The following TCERG1 variants were observed in gnomAD, a reference collection of about 807,000 sequenced individuals.
TCERG1 encodes TATA box binding protein (TBP)-associated factor, RNA polymerase II, S, 150kD.
Under a neutral mutation model 144.7 loss-of-function variants are expected in TCERG1, and 37 were observed. That is an observed-to-expected ratio of 0.26 (90% CI 0.20 to 0.34). TCERG1 has a LOEUF of 0.34. Among genes scored for constraint, TCERG1 ranks in the 10% least tolerant of loss-of-function variants. The pLI is 1.00. For missense variants in TCERG1, 1,027 were observed against 1,380.7 expected (o/e 0.74, Z 4.06); for synonymous variants, 492 against 458.2 (o/e 1.07, Z -0.94).
intron 17 of TCERG1, chr5:146,499,567 T>C (rs1211405946): frequency 6.6e-6 from 1 of 152,242 alleles, no homozygotes; most frequent in Admixed American, 6.5e-5. Context: ...AAAAAATGAT[T>C]ATGCTTCTCA....
At chr5:146,469,465 G>A (rs1474243539) in intron 6 of TCERG1, 79 bp from the exon 7 acceptor site, 13 of 1,193,834 alleles carry the variant, frequency 1.1e-5, no homozygotes, top group Non-Finnish European at 1.0e-5. Flanking sequence ...TTAATAGAAA[G>A]ATTTAGCTCA....
chr5:146,470,322 A>G (rs1304496205), intron 7 of TCERG1, among the ~76,000 whole-genome samples: 1 of 152,112 alleles, frequency 6.6e-6, no homozygotes, highest in African/African-American at 2.4e-5. Context: ...CCCCTTTTCT[A>G]TTCCTAAGTA....
At chr5:146,502,784 C>T (rs1767608083) in intron 17 of TCERG1, among the ~76,000 whole-genome samples, 1 of 152,090 alleles carries the variant, frequency 6.6e-6, no homozygotes, top group Non-Finnish European at 1.5e-5. Context: ...AACTTTCTCA[C>T]ATATCAAGGT....
Position 146,496,226 on chromosome 5 carries a change from G to A in TCERG1, c.2283-2310G>A, listed in dbSNP as rs560559962. Among the ~76,000 whole-genome samples the A allele has an allele frequency of 2.6e-5, 4 of 152,082 alleles. No individual in the cohort carries two copies. The South Asian group carries it at 8.3e-4, about 32-fold the overall frequency. On this transcript the variant is annotated intron_variant, in intron 16 of 22. Transcript: ENST00000679501. ...AACTTAGGCTCATTAGCCCTCATAA[G>A]CCTCATCCTTTTATTTAACCTGTTT...
At chr5:146,488,992 A>G (rs981268550) in intron 15 of TCERG1, among the ~76,000 whole-genome samples, 3 of 152,236 alleles carry the variant, frequency 2.0e-5, no homozygotes, top group African/African-American at 7.2e-5. Context: ...GAAGCAAAAG[A>G]AAGTTGATGT....
intron 19 of TCERG1, among the ~76,000 whole-genome samples, chr5:146,506,192 G>T (rs1326267725): frequency 6.6e-6 from 1 of 152,104 alleles, no homozygotes; most frequent in Non-Finnish European, 1.5e-5. Flanking sequence ...GGTAAGTGTT[G>T]GTTAAATAAA....
At position 146,511,302 on chromosome 5, in the gene TCERG1, A is replaced by T. The variant is rs1201791051; in HGVS notation, c.*660A>T. On this transcript the variant is annotated 3_prime_UTR_variant, in exon 23 of 23. Transcript: ENST00000679501. ...CGGTCATAACTAACATGTTGGCCAG[A>T]ATAGAACCACTGGTTAAACATATTT... The T allele has an allele frequency of 6.5e-6, 1 of 152,672 alleles. No individual in the cohort carries two copies. Among genetic ancestry groups the T allele is most frequent in the African/African-American group, 2.4e-5 (1 of 41,462 alleles). The allele number at this position is 152,672 out of a possible 1,614,324, so 9.5% of individuals were successfully genotyped here. A position where few individuals can be genotyped will look rare whatever the true frequency, so the allele number is the denominator to read the frequency against.
intron 1 of TCERG1, among the ~76,000 whole-genome samples, chr5:146,449,178 C>T (rs1762149173): frequency 6.6e-6 from 1 of 152,144 alleles, no homozygotes; most frequent in Admixed American, 6.5e-5. Flanking sequence ...CCTGAATGTA[C>T]TTCATGGTGT....
chr5:146,454,207 AAAAAG>A (rs58688212), intron 1 of TCERG1, among the ~76,000 whole-genome samples: 7 of 149,652 alleles, frequency 4.7e-5, no homozygotes, highest in Non-Finnish European at 7.4e-5. Context: ...CTCAAAAAAA[AAAAAG>A]AAAAGAAAAG....
chr5:146,481,159 A>T lies in TCERG1; in HGVS notation c.1896A>T (p.Ser632=). 1 of 985,326 alleles carries T rather than the reference A, an allele frequency of 1.0e-6. No homozygotes were observed. The highest frequency in any genetic ancestry group is 1.2e-6 in the Non-Finnish European group (1 of 829,870). 61.0% of individuals were successfully genotyped at this position (985,326 alleles called of 1,614,324 possible). A position where few individuals can be genotyped will look rare whatever the true frequency, so the allele number is the denominator to read the frequency against. The part of the protein sequence containing the change: ...PVKAKKRKRM[S]KKSFMWIARA... ...TAACTGCTTTTATCAGGAGAATGTC[A>T]AAGAAGTCCTTTATGTGGATTGCCC... Residue 632 remains serine, a synonymous_variant, in exon 13 of 23, where the codon TCA becomes TCT. Coordinates refer to ENST00000679501, the MANE Select transcript of TCERG1 (RefSeq NM_001382548.1).
At chr5:146,463,512 T>C in intron 4 of TCERG1, 39 bp from the exon 5 acceptor site, 1 of 1,611,756 alleles carries the variant, frequency 6.2e-7, no homozygotes, top group Non-Finnish European at 8.5e-7. Context: ...AAATGATTTA[T>C]GAAGGAGTGA....
chr5:146,467,429 A>G (rs951723494), intron 5 of TCERG1, among the ~76,000 whole-genome samples: 2 of 152,110 alleles, frequency 1.3e-5, no homozygotes, highest in Non-Finnish European at 1.5e-5. Flanking sequence ...TTCCTCTAAA[A>G]GTTTTTAATT....
chr5:146,509,037 A>T, intron 21 of TCERG1, 108 bp from the exon 22 acceptor site: 2 of 515,886 alleles, frequency 3.9e-6, no homozygotes, highest in South Asian at 1.1e-4. Flanking sequence ...TTGAATTTTA[A>T]ATTTTATTAT....
At chr5:146,447,523 G>C in intron 1 of TCERG1, 115 bp downstream of exon 1, 2 of 1,356,604 alleles carry the variant, frequency 1.5e-6, no homozygotes, top group African/African-American at 3.0e-5. Flanking sequence ...CGGGCGGCCC[G>C]GGCCGGGACC....
chr5:146,447,985 G>A (rs1190453209), intron 1 of TCERG1, among the ~76,000 whole-genome samples: 2 of 151,842 alleles, frequency 1.3e-5, no homozygotes, highest in Non-Finnish European at 2.9e-5. Flanking sequence ...TCCTGTAGTT[G>A]TGAGTAACAA....
chr5:146,479,739 A>T, intron 10 of TCERG1, 116 bp from the exon 11 acceptor site: 1 of 948,646 alleles, frequency 1.1e-6, no homozygotes, highest in Non-Finnish European at 1.6e-6. Context: ...TTAATGTTTT[A>T]TAAAGGGATG....
chr5:146,507,292 T>G lies in TCERG1; in HGVS notation c.2961+85T>G. On this transcript the variant is annotated intron_variant, in intron 20 of 22. Coordinates refer to ENST00000679501, the MANE Select transcript of TCERG1 (RefSeq NM_001382548.1). The surrounding 1 kb of genome is among the most constrained non-coding windows in gnomAD (Gnocchi z 4.6). ...AGCAAAGCATTGATATGATTTTTAG[T>G]GTCATGGTCTTTAGATTCATTACTG... The G allele has an allele frequency of 7.7e-7, 1 of 1,301,660 alleles. No individual in the cohort carries two copies. The highest frequency in any genetic ancestry group is 1.7e-5 in the South Asian group (1 of 60,078). The allele number at this position is 1,301,660 out of a possible 1,614,324, so 80.6% of individuals were successfully genotyped here.
At chr5:146,465,947 G>A (rs1376713542) in intron 5 of TCERG1, among the ~76,000 whole-genome samples, 1 of 151,494 alleles carries the variant, frequency 6.6e-6, no homozygotes, top group African/African-American at 2.4e-5. Context: ...TTGAACCTGG[G>A]AGGTGGAGGT....
chr5:146,504,428 C>G (rs1363995267), intron 19 of TCERG1: 1 of 153,208 alleles, frequency 6.5e-6, no homozygotes, highest in African/African-American at 2.4e-5. Context: ...GGAGGTGTAA[C>G]TGACTGCAGG....
Sources: allele counts gnomAD v4.1 joint callset (sites outside exome capture counted in the v4.1 genomes callset), GRCh38; gene constraint gnomAD v4.1.1; non-coding constraint Gnocchi (gnomAD v3.1); transcripts MANE v1.5; gene names NCBI Gene and HGNC (gene_info 2026-07-23, HGNC 2026-07-21).